The following LACTBL1 variants were observed in gnomAD, a reference collection of about 807,000 sequenced individuals.
LACTBL1 encodes lactamase beta like 1.
In LACTBL1, 29 loss-of-function variants were observed where a neutral mutation model predicts 39.6. The observed-to-expected ratio is 0.73, with a 90% CI of 0.55 to 1.00. The LOEUF (loss-of-function observed/expected upper bound fraction) is 1.00. Ranked by LOEUF, LACTBL1 falls within the 50% of genes least tolerant of loss-of-function variation. The probability of loss-of-function intolerance (pLI) is 0.00; values close to 1 mark genes in which losing one functional copy is unlikely to be tolerated. For synonymous variants in LACTBL1, 361 were observed against 360.7 expected, an observed-to-expected ratio of 1.00 and a Z score of -0.01; for missense variants, 711 against 748.5, an observed-to-expected ratio of 0.95 and a Z score of 0.59.
chr1:22,956,431 G>A (rs1161478208), intron 4 of LACTBL1, among the ~76,000 whole-genome samples: 1 of 152,058 alleles, frequency 6.6e-6, no homozygotes, highest in Non-Finnish European at 1.5e-5. Context: ...TCTGTGTGTG[G>A]GAGTGACACC....
chr1:22,968,498 G>T (rs1213977712), upstream of LACTBL1, among the ~76,000 whole-genome samples: 1 of 152,076 alleles, frequency 6.6e-6, no homozygotes, highest in Non-Finnish European at 1.5e-5. Flanking sequence ...TGTATTTATT[G>T]TATGTATTTG....
At chr1:22,958,777 T>C (rs901872269) in exon 4 of LACTBL1, 4 of 1,550,562 alleles carry the variant, frequency 2.6e-6, no homozygotes, top group Non-Finnish European at 2.6e-6. Context: ...GCCCTGCTGT[T>C]CGGCTGATGC....
upstream of LACTBL1, among the ~76,000 whole-genome samples, chr1:22,967,908 A>C (rs1335063144): frequency 6.6e-6 from 1 of 152,178 alleles, no homozygotes; most frequent in African/African-American, 2.4e-5. Context: ...ATATTTGTTA[A>C]ATGCCTGACT....
chr1:22,968,009 C>T (rs900617686), upstream of LACTBL1, among the ~76,000 whole-genome samples: 6 of 152,164 alleles, frequency 3.9e-5, no homozygotes, highest in South Asian at 2.1e-4. Flanking sequence ...AAATGTAACA[C>T]CCATGCTTGA....
rs114026237 is a variant in LACTBL1 at position 22,963,336 on chromosome 1, G to A, written c.50-120C>T. 1,190 of 498,926 alleles carry A rather than the reference G, an allele frequency of 2.4e-3. 9 individuals are homozygous for A. The highest frequency in any genetic ancestry group is 0.021 in the African/African-American group (1,068 of 50,002). The allele number at this position is 498,926 out of a possible 1,614,324, so 30.9% of individuals were successfully genotyped here. A position where few individuals can be genotyped will look rare whatever the true frequency, so the allele number is the denominator to read the frequency against. On this transcript the variant is annotated intron_variant, in intron 1 of 5. Transcript: ENST00000426928. Reference sequence around the variant, plus strand: ...CAGCCCTCCCCAGCCGAGCCGAGCCGGGGGATATCAGGGTCCAGAGACCAG... The same window carrying A: ...CAGCCCTCCCCAGCCGAGCCGAGCCAGGGGATATCAGGGTCCAGAGACCAG...
exon 3 of LACTBL1, chr1:22,960,011 G>A: frequency 6.4e-7 from 1 of 1,551,094 alleles, no homozygotes; most frequent in Non-Finnish European, 8.7e-7. Context: ...AAAGTTCCCT[G>A]TCCAGAGCAC....
upstream of LACTBL1, among the ~76,000 whole-genome samples, chr1:22,967,595 T>C (rs1409981855): frequency 6.6e-6 from 1 of 151,500 alleles, no homozygotes; most frequent in African/African-American, 2.4e-5. Flanking sequence ...CATACATAGA[T>C]ATACACACAC....
intron 2 of LACTBL1, among the ~76,000 whole-genome samples, chr1:22,962,392 A>C (rs1477603101): frequency 6.6e-6 from 1 of 151,900 alleles, no homozygotes; most frequent in African/African-American, 2.4e-5. Flanking sequence ...TATTCTTCTG[A>C]TCATGTTTCA....
At chr1:22,968,687 T>C (rs1000464006), upstream of LACTBL1, among the ~76,000 whole-genome samples, 3 of 152,208 alleles carry the variant, frequency 2.0e-5, no homozygotes, top group Non-Finnish European at 4.4e-5. Flanking sequence ...ATTGCCTGAT[T>C]TGCAATCTTA....
At chr1:22,960,323 G>A (rs938737378) in intron 2 of LACTBL1, among the ~76,000 whole-genome samples, 4 of 152,150 alleles carry the variant, frequency 2.6e-5, no homozygotes, top group Non-Finnish European at 4.4e-5. Context: ...GGGTTAAAAC[G>A]ACTGCTTTAA....
At chr1:22,953,918 G>C (rs1640736909) in exon 6 of LACTBL1, 1 of 1,550,350 alleles carries the variant, frequency 6.5e-7, no homozygotes, top group African/African-American at 1.4e-5. Flanking sequence ...GCCATCCCCA[G>C]CGGCTCCAGC....
intron 2 of LACTBL1, among the ~76,000 whole-genome samples, chr1:22,960,763 C>T (rs1640813790): frequency 1.3e-5 from 2 of 151,572 alleles, no homozygotes; most frequent in South Asian, 2.1e-4. Context: ...CCTCTTTGCA[C>T]GTTTGTTTGG....
At chr1:22,957,697 C>T (rs1361011363) in intron 4 of LACTBL1, among the ~76,000 whole-genome samples, 2 of 116,554 alleles carry the variant, frequency 1.7e-5, no homozygotes, top group Non-Finnish European at 3.2e-5. Flanking sequence ...GTCACCCAGG[C>T]TGGAGTGCAA....
chr1:22,958,995 G>A (rs989562149), intron 3 of LACTBL1, 75 bp from the exon 6 acceptor site: 2 of 960,136 alleles, frequency 2.1e-6, no homozygotes, highest in African/African-American at 3.3e-5. Context: ...CCCCCATCCT[G>A]CAACTTTTTA....
exon 6 of LACTBL1, chr1:22,953,169 C>G (rs1335731638): frequency 8.1e-7 from 1 of 1,232,092 alleles, no homozygotes; most frequent in African/African-American, 1.6e-5. Context: ...GCTGCCCGTG[C>G]TGGGCCTCGA....
At chr1:22,970,173 G>A (rs997314246), upstream of LACTBL1, among the ~76,000 whole-genome samples, 1 of 152,164 alleles carries the variant, frequency 6.6e-6, no homozygotes, top group African/African-American at 2.4e-5. Flanking sequence ...ATCATCTTTG[G>A]TCATAATATT....
At chr1:22,961,368 T>C (rs1640820848) in intron 2 of LACTBL1, among the ~76,000 whole-genome samples, 1 of 151,912 alleles carries the variant, frequency 6.6e-6, no homozygotes, top group African/African-American at 2.4e-5. Context: ...GTTGTTTTGG[T>C]TTTTTGTTTT....
exon 6 of LACTBL1, chr1:22,953,147 A>G: frequency 3.2e-6 from 4 of 1,232,196 alleles, no homozygotes; most frequent in Non-Finnish European, 3.0e-6. Flanking sequence ...TCCAAGGGGT[A>G]GAAGTTGACC....
At chr1:22,954,531 T>C (rs1039552913) in intron 5 of LACTBL1, among the ~76,000 whole-genome samples, 1 of 152,204 alleles carries the variant, frequency 6.6e-6, no homozygotes, top group Admixed American at 6.5e-5. Context: ...TGCAAGGATG[T>C]GTGAAAATTC....
Sources: allele counts gnomAD v4.1 joint callset (sites outside exome capture counted in the v4.1 genomes callset), GRCh38; gene constraint gnomAD v4.1.1; transcripts MANE v1.5; gene names NCBI Gene and HGNC (gene_info 2026-07-23, HGNC 2026-07-21).